SUMF1: variants seen among roughly 807,000 people sequenced by gnomAD.
SUMF1 encodes the protein formylglycine-generating enzyme.
A neutral mutation model predicts 47.6 loss-of-function variants in SUMF1; 48 were observed. The ratio of observed to expected loss-of-function variants is 1.01; its 90% confidence interval spans 0.80 to 1.28. The LOEUF is 1.28. SUMF1 is among the 50% of genes most tolerant of loss of function. The pLI is 0.00. For missense variants in SUMF1, 571 were observed against 485.4 expected (o/e 1.18, Z -1.66); for synonymous variants, 230 against 192.1 (o/e 1.20, Z -1.63).
At chr3:4,053,602 C>T (rs1325462763) in intron 9 of SUMF1, among the ~76,000 whole-genome samples, 2 of 152,180 alleles carry the variant, frequency 1.3e-5, no homozygotes, top group East Asian at 3.9e-4. Context: ...GAAGGTGGTC[C>T]AGAATCCCAG....
chr3:4,123,564 C>T (rs555890538), intron 8 of SUMF1, among the ~76,000 whole-genome samples: 1 of 152,240 alleles, frequency 6.6e-6, no homozygotes, highest in African/African-American at 2.4e-5. Context: ...ATGTATTGTA[C>T]TTGTTCTATT....
intron 8 of SUMF1, among the ~76,000 whole-genome samples, chr3:4,149,489 G>A (rs1325196785): frequency 2.6e-5 from 4 of 152,044 alleles, no homozygotes; most frequent in East Asian, 1.9e-4. Flanking sequence ...TGGTCACTGA[G>A]CCAACATAAT....
intron 8 of SUMF1, among the ~76,000 whole-genome samples, chr3:4,319,563 A>C (rs1342295522): frequency 6.6e-6 from 1 of 152,178 alleles, no homozygotes; most frequent in East Asian, 1.9e-4. Context: ...AGATGAGACA[A>C]ATGTAAATTT....
intron 8 of SUMF1, among the ~76,000 whole-genome samples, chr3:4,163,236 C>A (rs1694619936): frequency 6.6e-6 from 1 of 151,088 alleles, no homozygotes; most frequent in Non-Finnish European, 1.5e-5. Context: ...AGAAGAGAAA[C>A]AAAAACACTC....
chr3:4,074,309 G>A (rs192480280), intron 8 of SUMF1, among the ~76,000 whole-genome samples: 10 of 152,164 alleles, frequency 6.6e-5, no homozygotes, highest in African/African-American at 1.9e-4. Flanking sequence ...AAGACATGAC[G>A]TACCAGAATC....
intron 6 of SUMF1, among the ~76,000 whole-genome samples, chr3:4,415,590 A>T (rs1354435647): frequency 6.6e-6 from 1 of 152,186 alleles, no homozygotes; most frequent in Non-Finnish European, 1.5e-5. Context: ...AGGCGGGAGG[A>T]TCGCCTGAAG....
At chr3:4,234,240 A>C (rs1265916978) in intron 8 of SUMF1, among the ~76,000 whole-genome samples, 1 of 151,612 alleles carries the variant, frequency 6.6e-6, no homozygotes, top group African/African-American at 2.4e-5. Flanking sequence ...ATAATTATAT[A>C]ATTTTTATAA....
intron 8 of SUMF1, among the ~76,000 whole-genome samples, chr3:4,108,649 G>A (rs903413264): frequency 5.3e-5 from 8 of 152,096 alleles, no homozygotes; most frequent in African/African-American, 1.9e-4. Context: ...AGCTCTTCTT[G>A]TTGAATTGAT....
chr3:4,125,544 TTA>T (rs1180596267), intron 8 of SUMF1, among the ~76,000 whole-genome samples: 4 of 152,182 alleles, frequency 2.6e-5, no homozygotes, highest in Non-Finnish European at 4.4e-5. Flanking sequence ...TCCTTCTTAT[TTA>T]TGAGAATGTC....
intron 8 of SUMF1, among the ~76,000 whole-genome samples, chr3:4,210,615 T>A (rs1177781053): frequency 2.0e-5 from 3 of 151,756 alleles, no homozygotes; most frequent in Admixed American, 6.6e-5. Flanking sequence ...TGCACAAAAA[T>A]TTTTTTTTAA....
chr3:4,422,865 T>C (rs1482878969), intron 3 of SUMF1, among the ~76,000 whole-genome samples: 3 of 152,148 alleles, frequency 2.0e-5, no homozygotes, highest in African/African-American at 7.2e-5. Flanking sequence ...TGTAAGTGCT[T>C]TGGTGGTGAT....
At chr3:4,353,409 C>G (rs11717898) in intron 8 of SUMF1, among the ~76,000 whole-genome samples, 4 of 152,066 alleles carry the variant, frequency 2.6e-5, no homozygotes, top group Non-Finnish European at 5.9e-5. Context: ...CCCGCCACCA[C>G]GCCCGGCTAA....
intron 8 of SUMF1, among the ~76,000 whole-genome samples, chr3:4,083,075 C>T (rs903860553): frequency 2.6e-5 from 4 of 152,076 alleles, no homozygotes; most frequent in South Asian, 2.1e-4. Flanking sequence ...GCAGGCCCTC[C>T]GGCTAGATCA....
At position 4,078,007 on chromosome 3, in the gene SUMF1, G is replaced by A. The variant is rs187848777; in HGVS notation, c.1015-9262C>T. Among the ~76,000 whole-genome samples the A allele has an allele frequency of 1.1e-4, 16 of 152,022 alleles. No homozygotes were observed. In the East Asian group the frequency reaches 2.1e-3, roughly 20 times the overall value. ...ATTTTTTTCTTGCTTTTAAACAAGA[G>A]GGCCCATATTTTCACTTTGCACTGG... On this transcript the variant is annotated intron_variant and NMD_transcript_variant, in intron 8 of 12. Transcript: ENST00000448413.
At chr3:4,185,168 G>A (rs1204156927) in intron 8 of SUMF1, among the ~76,000 whole-genome samples, 1 of 152,122 alleles carries the variant, frequency 6.6e-6, no homozygotes, top group African/African-American at 2.4e-5. Flanking sequence ...AAATCATACT[G>A]TATGCAGGCT....
chr3:4,364,739 A>G (rs1435262935), intron 8 of SUMF1, among the ~76,000 whole-genome samples: 7 of 149,892 alleles, frequency 4.7e-5, no homozygotes, highest in Non-Finnish European at 1.0e-4. Context: ...TTCTGCTCTG[A>G]TTTTAGTTAT....
At chr3:4,200,088 G>A (rs770482905) in intron 8 of SUMF1, among the ~76,000 whole-genome samples, 2 of 151,396 alleles carry the variant, frequency 1.3e-5, no homozygotes, top group African/African-American at 2.4e-5. Context: ...CTTTAATTCT[G>A]GAACTGTTAT....
rs2125176432 is a variant in SUMF1 at position 4,362,273 on chromosome 3, C to A, written c.1015-19G>T. 1 of 1,605,760 alleles carries A rather than the reference C, an allele frequency of 6.2e-7. No homozygotes were observed. The highest frequency in any genetic ancestry group is 1.7e-4 in the Middle Eastern group (1 of 6,052). ...AATAAGACTGTGTAGAGAGAAAGAG[C>A]AAGGTAAGTGCTACTGGGACTCTCA... On this transcript the variant is annotated intron_variant, in intron 8 of 8. Coordinates refer to ENST00000272902, the MANE Select transcript of SUMF1 (RefSeq NM_182760.4).
chr3:4,433,792 CT>C (rs1229435631), intron 3 of SUMF1, among the ~76,000 whole-genome samples: 1 of 152,234 alleles, frequency 6.6e-6, no homozygotes, highest in Non-Finnish European at 1.5e-5. Flanking sequence ...CAGACCACAT[CT>C]TAAGCCAGAA....
Sources: allele counts gnomAD v4.1 joint callset (sites outside exome capture counted in the v4.1 genomes callset), GRCh38; gene constraint gnomAD v4.1.1; transcripts MANE v1.5; gene names NCBI Gene and HGNC (gene_info 2026-07-23, HGNC 2026-07-21).